The following SLC17A6 variants were observed in gnomAD, a reference collection of about 807,000 sequenced individuals.
SLC17A6 encodes vesicular glutamate transporter 2.
A neutral mutation model predicts 67.1 loss-of-function variants in SLC17A6; 35 were observed. The observed-to-expected ratio is 0.52, with a 90% CI of 0.40 to 0.69. SLC17A6 has a LOEUF of 0.69. SLC17A6 is among the 30% of genes least tolerant of loss of function. The pLI, the probability that SLC17A6 is intolerant of heterozygous loss-of-function variation, is 0.00. For missense variants in SLC17A6, 588 were observed against 723.9 expected (o/e 0.81, Z 2.15); for synonymous variants, 285 against 252.3 (o/e 1.13, Z -1.23).
At chr11:22,352,364 T>C (rs1398578116) in intron 3 of SLC17A6, among the ~76,000 whole-genome samples, 1 of 152,204 alleles carries the variant, frequency 6.6e-6, no homozygotes, top group Non-Finnish European at 1.5e-5. Context: ...ATAACTCAGC[T>C]TCCTAGAATT....
chr11:22,338,839 G>A (rs1315232268), intron 1 of SLC17A6, among the ~76,000 whole-genome samples: 1 of 151,142 alleles, frequency 6.6e-6, no homozygotes, highest in East Asian at 2.0e-4. Flanking sequence ...GTGTGTGTGT[G>A]TGTGTGTGTG....
rs79567583 is a variant in SLC17A6 at position 22,346,975 on chromosome 11, G to C, written c.458+3610G>C. 2.5e-3 allele frequency among the ~76,000 whole-genome samples: 378 copies of C among 151,584 alleles called. 3 individuals are homozygous for C. Among genetic ancestry groups the C allele is most frequent in the African/African-American group, 8.2e-3 (340 of 41,440 alleles). On this transcript the variant is annotated intron_variant, in intron 3 of 11. Transcript: ENST00000263160. The stretch of plus-strand genomic sequence containing the variant: ...CACAAAACTGTTTTGCCTTTATTTA[G>C]GTGGTGATATTATTTAAACTCTATT...
intron 8 of SLC17A6, among the ~76,000 whole-genome samples, chr11:22,372,825 T>C (rs1856189712): frequency 6.6e-6 from 1 of 152,150 alleles, no homozygotes; most frequent in African/African-American, 2.4e-5. Context: ...TTAGGAAGGT[T>C]TTGATCATTT....
Position 22,365,593 on chromosome 11 carries a change from T to C in SLC17A6, c.795T>C (p.Tyr265=). Residue 265 remains tyrosine (Y), a synonymous_variant, in exon 7 of 12, where the codon TAT becomes TAC. Transcript: ENST00000263160. ...ACATGTTTTGGCTTTTGGTGTCTTATGAAAGTCCTGCAAAGCATCCTACTA... is the reference window on the plus strand; with the variant it reads ...ACATGTTTTGGCTTTTGGTGTCTTACGAAAGTCCTGCAAAGCATCCTACTA... ...VWYMFWLLVS[Y]ESPAKHPTIT... 6.2e-7 allele frequency: 1 copy of C among 1,614,076 alleles called. No individual in the cohort carries two copies. Among genetic ancestry groups the C allele is most frequent in the Non-Finnish European group, 8.5e-7 (1 of 1,179,944 alleles).
intron 1 of SLC17A6, 141 bp downstream of exon 1, chr11:22,338,760 C>T (rs1855765570): frequency 1.6e-6 from 1 of 635,826 alleles, no homozygotes; most frequent in Non-Finnish European, 2.8e-6. Flanking sequence ...AGCGGGGGTG[C>T]TCTGGAAACC....
chr11:22,374,950 A>G (rs1856216520), intron 9 of SLC17A6, 63 bp downstream of exon 9: 2 of 1,445,838 alleles, frequency 1.4e-6, no homozygotes, highest in African/African-American at 1.4e-5. Flanking sequence ...TACATGAGAG[A>G]ATAACTTTTT....
At chr11:22,357,137 A>G (rs1331447118) in intron 3 of SLC17A6, among the ~76,000 whole-genome samples, 1 of 152,170 alleles carries the variant, frequency 6.6e-6, no homozygotes, top group African/African-American at 2.4e-5. Flanking sequence ...CTCTACTTAA[A>G]ACTGGTTAAG....
chr11:22,351,833 T>G (rs1484617036), intron 3 of SLC17A6, among the ~76,000 whole-genome samples: 2 of 152,148 alleles, frequency 1.3e-5, no homozygotes, highest in African/African-American at 4.8e-5. Context: ...AGGGCAGTAG[T>G]GCTGTGAAAC....
At chr11:22,376,220 AT>A (rs1856231326) in intron 10 of SLC17A6, 128 bp downstream of exon 10, 2 of 585,410 alleles carry the variant, frequency 3.4e-6, no homozygotes, top group Non-Finnish European at 5.6e-6. Context: ...ATAGTCAAAT[AT>A]TTCCACTAGA....
At chr11:22,369,038 TAA>T (rs1443535581) in intron 7 of SLC17A6, among the ~76,000 whole-genome samples, 1 of 151,674 alleles carries the variant, frequency 6.6e-6, no homozygotes, top group African/African-American at 2.4e-5. Context: ...GAATAATTGT[TAA>T]ATCCACGTGA....
At chr11:22,354,022 C>A (rs565327395) in intron 3 of SLC17A6, among the ~76,000 whole-genome samples, 11 of 152,258 alleles carry the variant, frequency 7.2e-5, no homozygotes, top group African/African-American at 2.6e-4. Flanking sequence ...TTTAACAAGG[C>A]CTAGGTTTAT....
chr11:22,368,606 T>C (rs1856139187), intron 7 of SLC17A6, among the ~76,000 whole-genome samples: 1 of 152,060 alleles, frequency 6.6e-6, no homozygotes, highest in Admixed American at 6.6e-5. Context: ...ATGATCCTGG[T>C]ATGAATGAAA....
Position 22,374,814 on chromosome 11 carries a change from A to C in SLC17A6, c.1101A>C (p.Gly367=). 1 of 1,613,502 alleles carries C rather than the reference A, an allele frequency of 6.2e-7. No homozygotes were observed. The highest frequency in any genetic ancestry group is 8.5e-7 in the Non-Finnish European group (1 of 1,179,792). The change falls in exon 9 of 12, where the codon GGA becomes GGC. Residue 367 remains glycine (G), a synonymous_variant. Transcript: ENST00000263160. ...LVMTIIVPIG[G]QIADFLRSKQ... is the part of the protein sequence containing the mutation. ...TGACAATTATTGTGCCTATTGGGGG[A>C]CAAATTGCAGATTTTCTAAGAAGCA...
At chr11:22,358,561 ACCTTGTGATCCGCTCG>A (rs1252278477) in intron 3 of SLC17A6, among the ~76,000 whole-genome samples, 1 of 152,058 alleles carries the variant, frequency 6.6e-6, no homozygotes, top group East Asian at 1.9e-4. Context: ...TGAGATCCTG[ACCTTGTGATCCGCTCG>A]CCTCGGCCTC....
chr11:22,357,017 A>G (rs920698287), intron 3 of SLC17A6, among the ~76,000 whole-genome samples: 1 of 152,212 alleles, frequency 6.6e-6, no homozygotes. Flanking sequence ...TACAGTTTGA[A>G]TGCTGAAGTA....
At chr11:22,377,138 A>G (rs1045324223) in intron 11 of SLC17A6, among the ~76,000 whole-genome samples, 2 of 152,174 alleles carry the variant, frequency 1.3e-5, no homozygotes, top group African/African-American at 2.4e-5. Context: ...AATCAATGGA[A>G]AAAAAGAGAT....
chr11:22,342,765 A>G (rs1031869071), intron 2 of SLC17A6, among the ~76,000 whole-genome samples: 3 of 152,136 alleles, frequency 2.0e-5, no homozygotes, highest in Non-Finnish European at 4.4e-5. Context: ...CTTAGCCACT[A>G]AAAGCCCTGC....
chr11:22,378,752 T>G lies in SLC17A6; in HGVS notation c.*1012T>G, dbSNP rs950000345. On this transcript the variant is annotated 3_prime_UTR_variant, in exon 12 of 12. Transcript: ENST00000263160. ...TATGAAAAGATTAACTTCATAGAGATATTGTAAGTAGGTAATTTTATTATT... is the reference window on the plus strand; with the variant it reads ...TATGAAAAGATTAACTTCATAGAGAGATTGTAAGTAGGTAATTTTATTATT... 2.6e-5 allele frequency: 4 copies of G among 152,156 alleles called. No individual in the cohort carries two copies. Among genetic ancestry groups the G allele is most frequent in the Non-Finnish European group, 5.9e-5 (4 of 67,958 alleles). 9.4% of individuals were successfully genotyped at this position (152,156 alleles called of 1,614,324 possible). A position where few individuals can be genotyped will look rare whatever the true frequency, so the allele number is the denominator to read the frequency against.
chr11:22,373,464 T>A (rs1414218301), intron 8 of SLC17A6, among the ~76,000 whole-genome samples: 1 of 138,640 alleles, frequency 7.2e-6, no homozygotes, highest in Non-Finnish European at 1.5e-5. Context: ...GCAATAATGA[T>A]TTTTTTTTTT....
Sources: gnomAD v4.1 joint callset for allele counts (sites outside exome capture counted in the v4.1 genomes callset) on GRCh38, gnomAD v4.1.1 for gene constraint, MANE v1.5 for transcripts, NCBI Gene and HGNC (gene_info 2026-07-23, HGNC 2026-07-21) for gene names.